FHOD3: variants seen among roughly 807,000 people sequenced by gnomAD.
FHOD3 encodes the protein FH1/FH2 domain-containing protein 3.
In FHOD3, 90 loss-of-function variants were observed where a neutral mutation model predicts 173.0. That is an observed-to-expected ratio of 0.52 (90% CI 0.44 to 0.62). The LOEUF (loss-of-function observed/expected upper bound fraction) is 0.62, where lower values mean the gene tolerates loss of function less well. Ranked by LOEUF, FHOD3 falls within the 20% of genes least tolerant of loss-of-function variation. The pLI, the probability that FHOD3 is intolerant of heterozygous loss-of-function variation, is 0.00. For synonymous variants in FHOD3, 828 were observed against 823.0 expected, an observed-to-expected ratio of 1.01 and a Z score of -0.10; for missense variants, 1,945 against 2,034.7, an observed-to-expected ratio of 0.96 and a Z score of 0.85.
intron 3 of FHOD3, among the ~76,000 whole-genome samples, chr18:36,476,823 G>A (rs576364572): frequency 5.2e-4 from 79 of 152,204 alleles, no homozygotes; most frequent in Non-Finnish European, 9.6e-4. Context: ...GGGCATGAAG[G>A]TCAGTTAAGC....
intron 5 of FHOD3, among the ~76,000 whole-genome samples, chr18:36,533,275 T>C (rs988437041): frequency 1.3e-5 from 2 of 152,228 alleles, no homozygotes; most frequent in African/African-American, 4.8e-5. Context: ...TAGATGAGCA[T>C]GTGCGACGCA....
Position 36,612,026 on chromosome 18 carries a change from T to A in FHOD3, c.888T>A (p.Ala296=), listed in dbSNP as rs1433184697. The A allele has an allele frequency of 1.9e-6, 3 of 1,614,074 alleles. No homozygotes were observed. The highest frequency in any genetic ancestry group is 2.5e-6 in the Non-Finnish European group (3 of 1,180,038). The change falls in exon 9 of 29, where the codon GCT becomes GCA. Residue 296 remains alanine (A), a synonymous_variant. Transcript: ENST00000590592. ...GCCTGGAGGAGCTGGGCATTGCTGC[T>A]GTGTCCCAGAGGCACTTGAACAAGA... The part of the protein sequence containing the change: ...VDCLEELGIA[A]VSQRHLNKKG...
At chr18:36,531,040 G>C (rs181196722) in intron 5 of FHOD3, among the ~76,000 whole-genome samples, 19 of 152,280 alleles carry the variant, frequency 1.2e-4, no homozygotes, top group Middle Eastern at 3.4e-3. Context: ...GGCTGGCCTG[G>C]CTGGACACAG....
intron 15 of FHOD3, among the ~76,000 whole-genome samples, chr18:36,682,995 C>A (rs972534993): frequency 6.6e-6 from 1 of 152,178 alleles, no homozygotes; most frequent in Non-Finnish European, 1.5e-5. Context: ...AAAACAAATG[C>A]CAAGTCTTTG....
chr18:36,762,969 GCGTATTATATACGTTATA>G, intron 27 of FHOD3, among the ~76,000 whole-genome samples: 1 of 113,184 alleles, frequency 8.8e-6, no homozygotes, highest in Non-Finnish European at 2.0e-5. Flanking sequence ...CGTTATATAT[GCGTATTATATACGTTATA>G]TATGCGTATT....
intron 5 of FHOD3, among the ~76,000 whole-genome samples, chr18:36,524,401 A>G (rs2056418991): frequency 6.6e-6 from 1 of 152,128 alleles, no homozygotes; most frequent in African/African-American, 2.4e-5. Flanking sequence ...TCATATGTAC[A>G]TGGTGAGGCC....
At chr18:36,538,211 A>T (rs965252358) in intron 5 of FHOD3, among the ~76,000 whole-genome samples, 1 of 152,212 alleles carries the variant, frequency 6.6e-6, no homozygotes, top group African/African-American at 2.4e-5. Flanking sequence ...CATTTTATAG[A>T]ACTAAATGTC....
At chr18:36,374,288 C>T (rs983661068) in intron 3 of FHOD3, among the ~76,000 whole-genome samples, 1 of 152,172 alleles carries the variant, frequency 6.6e-6, no homozygotes, top group African/African-American at 2.4e-5. Context: ...TATCCTGTGG[C>T]ATGCTGAGCA....
In FHOD3 at chr18:36,392,710, T is replaced by G. The variant is rs182806586; in HGVS notation, c.337+19966T>G. 6.6e-5 allele frequency among the ~76,000 whole-genome samples: 10 copies of G among 152,378 alleles called. No individual in the cohort carries two copies. In the East Asian group the frequency reaches 1.9e-3, roughly 29 times the overall value. On this transcript the variant is annotated intron_variant, in intron 3 of 28. Transcript: ENST00000590592. ...CGCTTCGTCTGATCTTGTCTGTGTT[T>G]CATGCGCAGGCAGCTAATTTGTACC...
At chr18:36,450,662 G>A (rs1240410196) in intron 3 of FHOD3, among the ~76,000 whole-genome samples, 3 of 151,430 alleles carry the variant, frequency 2.0e-5, no homozygotes, top group Middle Eastern at 3.2e-3. Flanking sequence ...GCATGGTGGT[G>A]CACACCTGTA....
rs7230125 is a variant in FHOD3 at position 36,467,992 on chromosome 18, G to T, written c.338-33940G>T. Reference sequence around the variant, plus strand: ...GATTTGCACAGTCTGAAGGCAGACGGTAGGTCTGTCCGCACAGCAGGATAG... The same window carrying T: ...GATTTGCACAGTCTGAAGGCAGACGTTAGGTCTGTCCGCACAGCAGGATAG... On this transcript the variant is annotated intron_variant, in intron 3 of 28. Coordinates refer to ENST00000590592, the MANE Select transcript of FHOD3 (RefSeq NM_001281740.3). Among the ~76,000 whole-genome samples the T allele has an allele frequency of 7.3e-3, 1,108 of 152,360 alleles. 12 individuals are homozygous for T. The highest frequency in any genetic ancestry group is 0.025 in the African/African-American group (1,048 of 41,596).
intron 3 of FHOD3, among the ~76,000 whole-genome samples, chr18:36,451,532 G>T (rs556528516): frequency 9.8e-5 from 15 of 152,312 alleles, no homozygotes; most frequent in African/African-American, 3.6e-4. Context: ...CTTTCTCCCA[G>T]CCTCTGCCTG....
intron 5 of FHOD3, among the ~76,000 whole-genome samples, chr18:36,527,239 G>C (rs566398288): frequency 5.9e-5 from 9 of 152,314 alleles, no homozygotes; most frequent in African/African-American, 1.9e-4. Context: ...CTTTAAAGCC[G>C]AGGGAGAGAA....
At chr18:36,624,794 A>G (rs1004013559) in intron 9 of FHOD3, among the ~76,000 whole-genome samples, 2 of 152,148 alleles carry the variant, frequency 1.3e-5, no homozygotes, top group Admixed American at 6.5e-5. Flanking sequence ...AATATGCGTC[A>G]CTCTTAGGAA....
chr18:36,718,759 G>A (rs1240997110), intron 19 of FHOD3, 44 bp downstream of exon 19: 22 of 1,579,600 alleles, frequency 1.4e-5, no homozygotes, highest in Non-Finnish European at 1.9e-5. Flanking sequence ...AAGTTGGGTA[G>A]GGCTGAAGAG....
intron 7 of FHOD3, among the ~76,000 whole-genome samples, chr18:36,596,321 ATTTTTTTTTTTTTTT>A (rs539907617): frequency 1.3e-3 from 77 of 57,502 alleles, no homozygotes; most frequent in Admixed American, 1.9e-3. Context: ...TGCCCAGCTA[ATTTTTTTTTTTTTTT>A]TTTTTTTTTT....
chr18:36,570,895 CAT>C (rs1285730979), intron 5 of FHOD3, among the ~76,000 whole-genome samples: 1 of 152,056 alleles, frequency 6.6e-6, no homozygotes, highest in African/African-American at 2.4e-5. Context: ...TTTACAAAAA[CAT>C]ATGTCTAACA....
At chr18:36,667,886 C>A (rs1174139425) in intron 14 of FHOD3, among the ~76,000 whole-genome samples, 1 of 152,180 alleles carries the variant, frequency 6.6e-6, no homozygotes, top group Non-Finnish European at 1.5e-5. Flanking sequence ...GAACCACTAT[C>A]TTGTAGAACA....
intron 5 of FHOD3, among the ~76,000 whole-genome samples, chr18:36,529,176 G>A (rs1253453394): frequency 6.6e-6 from 1 of 152,202 alleles, no homozygotes; most frequent in East Asian, 1.9e-4. Context: ...ACTTGAATAT[G>A]CTTTTGATGG....
Sources: allele counts gnomAD v4.1 joint callset (sites outside exome capture counted in the v4.1 genomes callset), GRCh38; gene constraint gnomAD v4.1.1; transcripts MANE v1.5; gene names NCBI Gene and HGNC (gene_info 2026-07-23, HGNC 2026-07-21).